GPR158: variants seen among roughly 807,000 people sequenced by gnomAD.
GPR158 encodes metabotropic glycine receptor.
GPR158 carries 30 observed loss-of-function variants against 78.2 expected under a neutral mutation model. That is an observed-to-expected ratio of 0.38 (90% CI 0.29 to 0.52). The LOEUF (loss-of-function observed/expected upper bound fraction) is 0.52. Ranked by LOEUF, GPR158 falls within the 20% of genes least tolerant of loss-of-function variation. The pLI is 0.83. For missense variants in GPR158, 1,463 were observed against 1,523.5 expected (o/e 0.96, Z 0.66); for synonymous variants, 581 against 591.1 (o/e 0.98, Z 0.25).
At chr10:25,563,782 A>G (rs1836889484) in intron 6 of GPR158, among the ~76,000 whole-genome samples, 1 of 147,234 alleles carries the variant, frequency 6.8e-6, no homozygotes, top group South Asian at 2.2e-4. Flanking sequence ...TCATTAACAC[A>G]GATTTATACT....
chr10:25,554,385 T>C (rs149479610), intron 6 of GPR158, among the ~76,000 whole-genome samples: 35 of 152,306 alleles, frequency 2.3e-4, no homozygotes, highest in African/African-American at 7.9e-4. Flanking sequence ...TTCAGCCATT[T>C]CCCTTCTGGC....
At chr10:25,525,377 G>A (rs775474704) in intron 5 of GPR158, among the ~76,000 whole-genome samples, 27 of 152,230 alleles carry the variant, frequency 1.8e-4, no homozygotes, top group Middle Eastern at 3.4e-3. Flanking sequence ...GAAGCAATTC[G>A]CATGTTCATT....
intron 2 of GPR158, among the ~76,000 whole-genome samples, chr10:25,303,839 A>G (rs1564416153): frequency 6.6e-6 from 1 of 152,210 alleles, no homozygotes; most frequent in Admixed American, 6.5e-5. Context: ...TATTTGCACA[A>G]TTATAAGAAT....
At chr10:25,201,748 T>A (rs187210489) in intron 1 of GPR158, among the ~76,000 whole-genome samples, 241 of 152,206 alleles carry the variant, frequency 1.6e-3, no homozygotes, top group African/African-American at 5.3e-3. Flanking sequence ...CTGTTTTTTT[T>A]TAATTCTGTT....
chr10:25,596,580 TA>T (rs1478374972), intron 9 of GPR158, 62 bp from the exon 10 acceptor site: 1 of 1,161,436 alleles, frequency 8.6e-7, no homozygotes, highest in African/African-American at 1.5e-5. Flanking sequence ...TAGATATAGA[TA>T]TAGATATATG....
At chr10:25,472,793 C>T (rs375848784) in intron 5 of GPR158, among the ~76,000 whole-genome samples, 1 of 152,136 alleles carries the variant, frequency 6.6e-6, no homozygotes, top group Non-Finnish European at 1.5e-5. Flanking sequence ...GTGATTTTTG[C>T]ACATTGATTT....
intron 7 of GPR158, among the ~76,000 whole-genome samples, chr10:25,580,048 A>G (rs1352844483): frequency 6.6e-6 from 1 of 152,216 alleles, no homozygotes; most frequent in Non-Finnish European, 1.5e-5. Context: ...ATACATGAGG[A>G]GTCTCATGGT....
chr10:25,487,260 A>C (rs181509831), intron 5 of GPR158, among the ~76,000 whole-genome samples: 1 of 152,280 alleles, frequency 6.6e-6, no homozygotes, highest in East Asian at 1.9e-4. Flanking sequence ...AGCAGCCTAC[A>C]AGACAAAAAA....
At chr10:25,354,585 G>GT (rs1855521859) in intron 2 of GPR158, among the ~76,000 whole-genome samples, 1 of 152,052 alleles carries the variant, frequency 6.6e-6, no homozygotes, top group Admixed American at 6.5e-5. Context: ...TGGGTTATGA[G>GT]TAGATTGCAT....
intron 4 of GPR158, among the ~76,000 whole-genome samples, chr10:25,434,741 C>A (rs1222409618): frequency 1.3e-5 from 2 of 152,122 alleles, no homozygotes; most frequent in African/African-American, 4.8e-5. Context: ...CTATCTAGGG[C>A]TTTTTTCCTG....
intron 5 of GPR158, among the ~76,000 whole-genome samples, chr10:25,529,918 G>A (rs933545976): frequency 2.6e-5 from 4 of 152,078 alleles, no homozygotes; most frequent in African/African-American, 9.7e-5. Context: ...ACCAACAATT[G>A]TTTTCATATA....
At chr10:25,254,619 T>A (rs1385574502) in intron 2 of GPR158, among the ~76,000 whole-genome samples, 1 of 152,202 alleles carries the variant, frequency 6.6e-6, no homozygotes, top group African/African-American at 2.4e-5. Flanking sequence ...ATATAGCATT[T>A]ATATAACTGC....
intron 5 of GPR158, among the ~76,000 whole-genome samples, chr10:25,540,473 C>T (rs1257356176): frequency 1.3e-5 from 2 of 152,190 alleles, no homozygotes; most frequent in Non-Finnish European, 2.9e-5. Flanking sequence ...AATCACGCTG[C>T]TGTAAAGACA....
intron 5 of GPR158, among the ~76,000 whole-genome samples, chr10:25,530,050 T>C (rs936321887): frequency 6.6e-6 from 1 of 152,232 alleles, no homozygotes; most frequent in African/African-American, 2.4e-5. Context: ...CCCTTTTGCC[T>C]CCTCAGCCCT....
At chr10:25,336,576 A>G (rs1177680919) in intron 2 of GPR158, among the ~76,000 whole-genome samples, 1 of 152,062 alleles carries the variant, frequency 6.6e-6, no homozygotes, top group African/African-American at 2.4e-5. Flanking sequence ...AGGGCATGTT[A>G]TACAGCTCTA....
chr10:25,300,012 T>C (rs1767838548), intron 2 of GPR158, among the ~76,000 whole-genome samples: 1 of 151,990 alleles, frequency 6.6e-6, no homozygotes, highest in South Asian at 2.1e-4. Flanking sequence ...CCCACCTCGG[T>C]CTACCAAAGT....
At chr10:25,448,083 CTT>C (rs35421884) in intron 4 of GPR158, among the ~76,000 whole-genome samples, 6,844 of 118,150 alleles carry the variant, frequency 0.058, 521 homozygotes, top group African/African-American at 0.2. Context: ...TGTCTGACTT[CTT>C]TTTTTTTTTT....
intron 1 of GPR158, among the ~76,000 whole-genome samples, chr10:25,185,764 A>G (rs1369683487): frequency 1.3e-5 from 2 of 152,060 alleles, no homozygotes; most frequent in Non-Finnish European, 2.9e-5. Flanking sequence ...CAGAGCTTGC[A>G]GTGAGCCGAG....
intron 2 of GPR158, among the ~76,000 whole-genome samples, chr10:25,370,083 G>T (rs1041328941): frequency 6.7e-6 from 1 of 148,354 alleles, no homozygotes; most frequent in African/African-American, 2.5e-5. Flanking sequence ...TCTTGCTAGC[G>T]GTCTATCAAT....
Sources: allele counts gnomAD v4.1 joint callset (sites outside exome capture counted in the v4.1 genomes callset), GRCh38; gene constraint gnomAD v4.1.1; transcripts MANE v1.5; gene names NCBI Gene and HGNC (gene_info 2026-07-23, HGNC 2026-07-21).